Variants in NR5A2 observed in about 807,000 individuals in gnomAD.
The protein encoded by NR5A2 is nuclear receptor subfamily 5 group A member 2.
In NR5A2, 26 loss-of-function variants were observed where a neutral mutation model predicts 62.7. The observed-to-expected ratio is 0.41, with a 90% CI of 0.30 to 0.58. The LOEUF (loss-of-function observed/expected upper bound fraction) is 0.58. NR5A2 is among the 20% of genes least tolerant of loss of function. The pLI, the probability that NR5A2 is intolerant of heterozygous loss-of-function variation, is 0.22. For synonymous variants in NR5A2, 246 were observed against 241.7 expected (o/e 1.02, Z -0.16); for missense variants, 541 against 669.1 (o/e 0.81, Z 2.11).
At chr1:200,036,466 C>G (rs1661784138) in intron 1 of NR5A2, among the ~76,000 whole-genome samples, 1 of 152,166 alleles carries the variant, frequency 6.6e-6, no homozygotes. Flanking sequence ...AAAGGGTGCA[C>G]TTGGAGGGCA....
rs1227152290 is a variant in NR5A2 at position 200,111,318 on chromosome 1, A to T, written c.1227A>T (p.Gln409His). 1.9e-6 allele frequency: 3 copies of T among 1,606,734 alleles called. No individual in the cohort carries two copies. Among genetic ancestry groups the T allele is most frequent in the Non-Finnish European group, 2.5e-6 (3 of 1,178,348 alleles). ...KEGSIFLVTGQQVDYSIIASQ... is the reference protein window; with the variant it reads ...KEGSIFLVTGHQVDYSIIASQ... ...GATCCATCTTCCTGGTTACTGGGCA[A>T]CAAGTGAGTGTAGAGACCAAAAAAA... The change falls in exon 6 of 8, where the codon CAA becomes CAT. Residue 409 changes from glutamine to histidine, a missense_variant. Physicochemically the swap from Gln to His is conservative, Grantham distance 24. Coordinates refer to ENST00000367362, the MANE Select transcript of NR5A2 (RefSeq NM_205860.3).
intron 1 of NR5A2, among the ~76,000 whole-genome samples, chr1:200,034,139 CGGA>C (rs1393881110): frequency 6.6e-6 from 1 of 152,084 alleles, no homozygotes; most frequent in East Asian, 1.9e-4. Flanking sequence ...CAGGTTGAAG[CGGA>C]GGAGAGGGTG....
chr1:200,044,702 T>C (rs1041391317), intron 3 of NR5A2, among the ~76,000 whole-genome samples: 5 of 152,152 alleles, frequency 3.3e-5, no homozygotes, highest in African/African-American at 1.2e-4. Flanking sequence ...TGTTTCTCTT[T>C]GTGGCAAGTG....
intron 7 of NR5A2, among the ~76,000 whole-genome samples, chr1:200,163,558 T>G (rs1307368942): frequency 1.3e-5 from 2 of 151,880 alleles, no homozygotes; most frequent in Non-Finnish European, 2.9e-5. Context: ...CTTGCTTCAC[T>G]GCAGCCCCAA....
chr1:200,088,868 C>T (rs916472776), intron 5 of NR5A2, among the ~76,000 whole-genome samples: 14 of 152,198 alleles, frequency 9.2e-5, no homozygotes, highest in African/African-American at 3.4e-4. Context: ...ATCTTCTCAG[C>T]CCTCATCCTC....
At chr1:200,142,285 T>C (rs1667480144) in intron 7 of NR5A2, among the ~76,000 whole-genome samples, 1 of 144,222 alleles carries the variant, frequency 6.9e-6, no homozygotes, top group Non-Finnish European at 1.5e-5. Flanking sequence ...CTGCGACCTC[T>C]GCCTCCCGGG....
intron 7 of NR5A2, among the ~76,000 whole-genome samples, chr1:200,146,595 A>G (rs1375687023): frequency 6.6e-6 from 1 of 152,236 alleles, no homozygotes; most frequent in Non-Finnish European, 1.5e-5. Context: ...GTCTTTGTGC[A>G]TTTTAAACAT....
chr1:200,120,753 T>C (rs1445758738), intron 6 of NR5A2, 55 bp from the exon 7 acceptor site: 1 of 1,481,968 alleles, frequency 6.7e-7, no homozygotes, highest in African/African-American at 1.4e-5. Context: ...ACGACTCAGG[T>C]GAAATACATA....
chr1:200,040,468 T>G (rs970423788), intron 2 of NR5A2, among the ~76,000 whole-genome samples: 9 of 152,290 alleles, frequency 5.9e-5, no homozygotes, highest in South Asian at 4.1e-4. Flanking sequence ...TCTGAAAATA[T>G]GGAGGTCCCA....
chr1:200,121,803 CAT>C (rs541901144), intron 7 of NR5A2, among the ~76,000 whole-genome samples: 210 of 152,312 alleles, frequency 1.4e-3, no homozygotes, highest in African/African-American at 4.7e-3. Context: ...GATTCACCAA[CAT>C]ATGTTTTTTC....
intron 7 of NR5A2, among the ~76,000 whole-genome samples, chr1:200,150,855 A>C (rs1372446651): frequency 6.6e-6 from 1 of 152,212 alleles, no homozygotes; most frequent in Non-Finnish European, 1.5e-5. Flanking sequence ...TAGAGGTCAG[A>C]AACCGCTGCA....
intron 5 of NR5A2, among the ~76,000 whole-genome samples, chr1:200,102,733 A>T (rs911624627): frequency 6.6e-6 from 1 of 152,208 alleles, no homozygotes; most frequent in African/African-American, 2.4e-5. Context: ...TTTTCAGTCT[A>T]TATGCACTCA....
At chr1:200,099,380 G>A (rs1571472688) in intron 5 of NR5A2, among the ~76,000 whole-genome samples, 1 of 150,234 alleles carries the variant, frequency 6.7e-6, no homozygotes, top group South Asian at 2.1e-4. Context: ...AGCAACCTAT[G>A]AAGGAAGAAG....
chr1:200,060,851 C>T (rs1339526141), intron 5 of NR5A2, among the ~76,000 whole-genome samples: 2 of 151,392 alleles, frequency 1.3e-5, no homozygotes, highest in African/African-American at 4.9e-5. Flanking sequence ...TGCCTGTAAT[C>T]CCAACACTTT....
chr1:200,131,293 T>C (rs1486580243), intron 7 of NR5A2, among the ~76,000 whole-genome samples: 1 of 152,230 alleles, frequency 6.6e-6, no homozygotes, highest in African/African-American at 2.4e-5. Flanking sequence ...TAATTCATTT[T>C]GGAGTTCTAA....
At chr1:200,043,029 GAAACCA>G (rs1662190737) in intron 2 of NR5A2, 1 of 983,630 alleles carries the variant, frequency 1.0e-6, no homozygotes, top group African/African-American at 1.7e-5. Context: ...TCAATACTTT[GAAACCA>G]AAACCCTTCT....
At chr1:200,124,425 C>T (rs902558632) in intron 7 of NR5A2, among the ~76,000 whole-genome samples, 12 of 152,186 alleles carry the variant, frequency 7.9e-5, no homozygotes, top group South Asian at 2.1e-4. Context: ...TGCTCTCTGA[C>T]GTTTCCCCCC....
intron 7 of NR5A2, among the ~76,000 whole-genome samples, chr1:200,145,005 A>G (rs1362340348): frequency 6.6e-6 from 1 of 151,962 alleles, no homozygotes; most frequent in Non-Finnish European, 1.5e-5. Context: ...GGGTTGAGGG[A>G]GGTGGCTTAA....
chr1:200,155,670 T>C (rs1254828310), intron 7 of NR5A2, among the ~76,000 whole-genome samples: 2 of 151,946 alleles, frequency 1.3e-5, no homozygotes, highest in Non-Finnish European at 2.9e-5. Context: ...CCACAGATAA[T>C]AATAAAAAAA....
Sources: gnomAD v4.1 joint callset for allele counts (sites outside exome capture counted in the v4.1 genomes callset) on GRCh38, gnomAD v4.1.1 for gene constraint, MANE v1.5 for transcripts, NCBI Gene and HGNC (gene_info 2026-07-23, HGNC 2026-07-21) for gene names.